KCND2: variants seen among roughly 807,000 people sequenced by gnomAD.
KCND2 encodes the protein potassium voltage-gated channel subfamily D member 2, also known as A-type voltage-gated potassium channel KCND2.
In KCND2, 16 loss-of-function variants were observed where a neutral mutation model predicts 54.4. The ratio of observed to expected loss-of-function variants is 0.29; its 90% confidence interval spans 0.20 to 0.45. The LOEUF (loss-of-function observed/expected upper bound fraction) is 0.45. Ranked by LOEUF, KCND2 falls within the 20% of genes least tolerant of loss-of-function variation. The pLI is 1.00. For synonymous variants in KCND2, 317 were observed against 310.7 expected, an observed-to-expected ratio of 1.02 and a Z score of -0.21; for missense variants, 486 against 824.2, an observed-to-expected ratio of 0.59 and a Z score of 5.02.
At chr7:120,669,210 T>G (rs534448567) in intron 1 of KCND2, among the ~76,000 whole-genome samples, 1 of 152,174 alleles carries the variant, frequency 6.6e-6, no homozygotes, top group South Asian at 2.1e-4. Flanking sequence ...AAAAGTGAAG[T>G]CCAAGAAGTA....
intron 1 of KCND2, among the ~76,000 whole-genome samples, chr7:120,314,833 A>C (rs1358035877): frequency 6.6e-6 from 1 of 152,194 alleles, no homozygotes; most frequent in Non-Finnish European, 1.5e-5. Flanking sequence ...AGTATACAAA[A>C]TGTTATTTAA....
intron 1 of KCND2, among the ~76,000 whole-genome samples, chr7:120,535,968 A>T (rs921486175): frequency 1.3e-5 from 2 of 152,130 alleles, no homozygotes; most frequent in African/African-American, 4.8e-5. Context: ...TTGGTCTTTT[A>T]TTCAGTCTCC....
chr7:120,587,312 G>A (rs997744753), intron 1 of KCND2, among the ~76,000 whole-genome samples: 4 of 152,160 alleles, frequency 2.6e-5, no homozygotes, highest in South Asian at 2.1e-4. Flanking sequence ...GTTTCCAGAA[G>A]GGAAAAGTGG....
At chr7:120,411,638 C>T (rs1380477748) in intron 1 of KCND2, among the ~76,000 whole-genome samples, 1 of 151,714 alleles carries the variant, frequency 6.6e-6, no homozygotes, top group African/African-American at 2.4e-5. Context: ...AGGATGAGTA[C>T]CAATATGCAG....
chr7:120,663,652 C>G (rs1213385032), intron 1 of KCND2, among the ~76,000 whole-genome samples: 1 of 152,146 alleles, frequency 6.6e-6, no homozygotes, highest in South Asian at 2.1e-4. Context: ...TTATTTTTCT[C>G]TATGCTCACA....
chr7:120,487,506 A>G (rs1802712390), intron 1 of KCND2, among the ~76,000 whole-genome samples: 1 of 152,152 alleles, frequency 6.6e-6, no homozygotes, highest in African/African-American at 2.4e-5. Flanking sequence ...GCCATCAACT[A>G]TTTGCAGTAA....
At chr7:120,319,701 TTAGA>T (rs1313607026) in intron 1 of KCND2, among the ~76,000 whole-genome samples, 1 of 152,112 alleles carries the variant, frequency 6.6e-6, no homozygotes, top group Non-Finnish European at 1.5e-5. Context: ...GTTAAGATAA[TTAGA>T]TAGCCAAGAA....
intron 1 of KCND2, among the ~76,000 whole-genome samples, chr7:120,309,474 T>TAC (rs1209573900): frequency 2.9e-4 from 33 of 113,274 alleles, no homozygotes; most frequent in African/African-American, 1.0e-3. Context: ...TATATATATA[T>TAC]ACACACACAC....
At position 120,629,112 on chromosome 7, in the gene KCND2, A is replaced by G. The variant is rs531409832; in HGVS notation, c.1116-103791A>G. The stretch of plus-strand genomic sequence containing the variant: ...GAACTAAAAGAAAGAACCATGCACA[A>G]AACTGTGGGATGAATTTTTTCAAAG... On this transcript the variant is annotated intron_variant, in intron 1 of 5. Transcript: ENST00000331113. Among the ~76,000 whole-genome samples the G allele has an allele frequency of 2.4e-3, 364 of 152,344 alleles. 2 individuals carry two copies. The highest frequency in any genetic ancestry group is 8.5e-3 in the African/African-American group (352 of 41,580).
At chr7:120,737,463 A>AT (rs771736828) in intron 2 of KCND2, among the ~76,000 whole-genome samples, 49 of 151,974 alleles carry the variant, frequency 3.2e-4, no homozygotes, top group Middle Eastern at 3.4e-3. Context: ...TAGACCTCTC[A>AT]TTGCTTAGCC....
intron 1 of KCND2, among the ~76,000 whole-genome samples, chr7:120,420,737 G>T (rs1286334618): frequency 6.6e-6 from 1 of 152,112 alleles, no homozygotes; most frequent in Non-Finnish European, 1.5e-5. Flanking sequence ...GTATAGGTAA[G>T]AGGGAAAAAA....
intron 1 of KCND2, among the ~76,000 whole-genome samples, chr7:120,408,799 A>G (rs1761395802): frequency 6.6e-6 from 1 of 151,942 alleles, no homozygotes; most frequent in African/African-American, 2.4e-5. Flanking sequence ...ACATTATTAT[A>G]TAGATTTGTT....
At chr7:120,501,163 A>G (rs1331045958) in intron 1 of KCND2, among the ~76,000 whole-genome samples, 1 of 152,044 alleles carries the variant, frequency 6.6e-6, no homozygotes, top group African/African-American at 2.4e-5. Context: ...GACATACATC[A>G]TCTTGGGGAA....
At chr7:120,324,257 C>G (rs1164680694) in intron 1 of KCND2, among the ~76,000 whole-genome samples, 50 of 150,548 alleles carry the variant, frequency 3.3e-4, no homozygotes, top group African/African-American at 1.2e-3. Context: ...GTTGCCTGTT[C>G]ACTCTGATGG....
At chr7:120,476,192 C>T (rs1330471094) in intron 1 of KCND2, among the ~76,000 whole-genome samples, 1 of 152,162 alleles carries the variant, frequency 6.6e-6, no homozygotes, top group Non-Finnish European at 1.5e-5. Context: ...AGTCACTTAA[C>T]CTTTCAACAT....
intron 1 of KCND2, among the ~76,000 whole-genome samples, chr7:120,431,897 C>T (rs9942620): frequency 0.061 from 9,210 of 152,066 alleles, 865 homozygotes; most frequent in African/African-American, 0.21. Flanking sequence ...CCATACTCTA[C>T]TGTTTCTGAA....
intron 1 of KCND2, among the ~76,000 whole-genome samples, chr7:120,581,678 G>A (rs1792517135): frequency 6.6e-6 from 1 of 151,884 alleles, no homozygotes. Context: ...TGAACAGGCA[G>A]CAAGCTAATT....
At chr7:120,689,705 G>A (rs555571887) in intron 1 of KCND2, among the ~76,000 whole-genome samples, 3 of 152,254 alleles carry the variant, frequency 2.0e-5, no homozygotes, top group Non-Finnish European at 2.9e-5. Context: ...TTTGTAGCAC[G>A]GAATATGCAT....
chr7:120,622,713 TCTCACACA>T (rs1193067305), intron 1 of KCND2, among the ~76,000 whole-genome samples: 13 of 133,290 alleles, frequency 9.8e-5, no homozygotes, highest in African/African-American at 3.3e-4. Flanking sequence ...TCTCTCTCTC[TCTCACACA>T]CACACACACA....
Sources: allele counts gnomAD v4.1 joint callset (sites outside exome capture counted in the v4.1 genomes callset), GRCh38; gene constraint gnomAD v4.1.1; transcripts MANE v1.5; gene names NCBI Gene and HGNC (gene_info 2026-07-23, HGNC 2026-07-21).